CLEC4D: variants seen among roughly 807,000 people sequenced by gnomAD.
The protein encoded by CLEC4D is C-type lectin domain family 4 member D, also known as C-type (calcium dependent, carbohydrate-recognition domain) lectin, superfamily member 8.
In CLEC4D, 21 loss-of-function variants were observed where a neutral mutation model predicts 21.1. The ratio of observed to expected loss-of-function variants is 1.00; its 90% CI spans 0.71 to 1.43. The LOEUF (loss-of-function observed/expected upper bound fraction) is 1.43. Among genes scored for constraint, CLEC4D ranks in the 40% most tolerant of loss-of-function variants. The probability of loss-of-function intolerance (pLI) is 0.00; values close to 1 mark genes in which losing one functional copy is unlikely to be tolerated. For synonymous variants in CLEC4D, 85 were observed against 83.1 expected, an observed-to-expected ratio of 1.02 and a Z score of -0.12; for missense variants, 289 against 260.7, an observed-to-expected ratio of 1.11 and a Z score of -0.75.
chr12:8,514,882 A>G (rs1340725538), intron 1 of CLEC4D, among the ~76,000 whole-genome samples: 1 of 152,122 alleles, frequency 6.6e-6, no homozygotes, highest in Non-Finnish European at 1.5e-5. Flanking sequence ...GCGGATATTA[A>G]TATTATGAGA....
At chr12:8,530,572 A>G in the CLEC4D span, among the ~76,000 whole-genome samples, 57 of 152,056 alleles carry the variant, frequency 3.7e-4, no homozygotes, top group African/African-American at 1.3e-3. Flanking sequence ...TAAAATTCTT[A>G]GTGACATATT....
Position 8,521,235 on chromosome 12 carries a change from T to C in CLEC4D, c.612T>C (p.Ser204=). 6.2e-7 allele frequency: 1 copy of C among 1,613,018 alleles called. No individual in the cohort carries two copies. Among genetic ancestry groups the C allele is most frequent in the Non-Finnish European group, 8.5e-7 (1 of 1,179,352 alleles). ...ATGTTCCTTGTAACTTTGAAGCAAG[T>C]AGGATTTGTAAAATACCTGGAACAA... ...WNDVPCNFEA[S]RICKIPGTTL... Residue 204 remains serine, a synonymous_variant, in exon 6 of 6, where the codon AGT becomes AGC. Coordinates refer to ENST00000299665, the MANE Select transcript of CLEC4D (RefSeq NM_080387.5).
chr12:8,521,438 G>A lies in CLEC4D; in HGVS notation c.*167G>A. On this transcript the variant is annotated 3_prime_UTR_variant, in exon 6 of 6. Coordinates refer to ENST00000299665, the MANE Select transcript of CLEC4D (RefSeq NM_080387.5). ...TTGATTCATTCGAGACAACATGTGTGTATGTGTGTGTGTGTGTGTGTAGAT... is the reference window on the plus strand; with the variant it reads ...TTGATTCATTCGAGACAACATGTGTATATGTGTGTGTGTGTGTGTGTAGAT... 2.2e-6 allele frequency: 3 copies of A among 1,357,050 alleles called. No homozygotes were observed. In the South Asian group the frequency reaches 5.0e-5, roughly 22 times the overall value. The allele number at this position is 1,357,050 out of a possible 1,614,324, so 84.1% of individuals were successfully genotyped here.
chr12:8,519,380 C>CTT (rs1940428228), intron 4 of CLEC4D, among the ~76,000 whole-genome samples: 1 of 152,110 alleles, frequency 6.6e-6, no homozygotes, highest in South Asian at 2.1e-4. Flanking sequence ...CCCTAACTAC[C>CTT]TTCCTCATTC....
the CLEC4D span, among the ~76,000 whole-genome samples, chr12:8,528,893 CAT>C: frequency 1.3e-4 from 19 of 151,290 alleles, no homozygotes; most frequent in East Asian, 1.2e-3. Flanking sequence ...ACATAATAAA[CAT>C]ATAATTACAT....
chr12:8,516,059 G>A (rs771037920), intron 2 of CLEC4D, among the ~76,000 whole-genome samples: 1 of 152,118 alleles, frequency 6.6e-6, no homozygotes, highest in African/African-American at 2.4e-5. Flanking sequence ...AGAGCCCATT[G>A]ATTATTTATA....
In CLEC4D at chr12:8,513,698, C is replaced by A; in HGVS notation, c.-35C>A. On this transcript the variant is annotated 5_prime_UTR_variant, in exon 1 of 6. Coordinates refer to ENST00000299665, the MANE Select transcript of CLEC4D (RefSeq NM_080387.5). ...GGAAAAAAAATAGAACAAATTCTTG[C>A]CGTCCTGACCATTGAACAAGAGACT... 2.1e-6 allele frequency: 2 copies of A among 958,780 alleles called. No individual in the cohort carries two copies. The highest frequency in any genetic ancestry group is 1.3e-5 in the South Asian group (1 of 76,758). The allele number at this position is 958,780 out of a possible 1,614,324, so 59.4% of individuals were successfully genotyped here.
chr12:8,529,398 T>G, the CLEC4D span, among the ~76,000 whole-genome samples: 1 of 152,170 alleles, frequency 6.6e-6, no homozygotes, highest in Non-Finnish European at 1.5e-5. Flanking sequence ...GAGGATTACT[T>G]GAGGCCAGCA....
Position 8,519,106 on chromosome 12 carries a change from G to A in CLEC4D, c.330G>A (p.Arg110=), listed in dbSNP as rs760000016. 2.4e-5 allele frequency: 39 copies of A among 1,614,014 alleles called. 1 individual carries two copies. In the South Asian group the frequency reaches 4.2e-4, roughly 17 times the overall value. The change falls in exon 4 of 6, where the codon AGG becomes AGA. Residue 110 remains arginine, a synonymous_variant. Transcript: ENST00000299665. ...TDNKTWAESE[R]NCSGMGAHLM... ...ACAAGACGTGGGCTGAGAGTGAAAG[G>A]AACTGTTCAGGGATGGGGGCCCATC...
downstream of CLEC4D, among the ~76,000 whole-genome samples, chr12:8,526,169 G>A (rs1284945368): frequency 6.6e-6 from 1 of 152,100 alleles, no homozygotes; most frequent in East Asian, 1.9e-4. Context: ...GTGTCTTGGA[G>A]TTGATCTTCT....
Position 8,515,432 on chromosome 12 carries a change from C to G in CLEC4D, c.121+104C>G, listed in dbSNP as rs1940366212. 4 of 692,184 alleles carry G rather than the reference C, an allele frequency of 5.8e-6. No individual in the cohort carries two copies. The East Asian group carries it at 1.0e-4, about 18-fold the overall frequency. The allele number at this position is 692,184 out of a possible 1,614,324, so 42.9% of individuals were successfully genotyped here. The stretch of plus-strand genomic sequence containing the variant: ...GGTATCTTGATTTTTCCTAGCATAA[C>G]CTATCTATAATATCTTCAGGGTCTT... On this transcript the variant is annotated intron_variant, in intron 2 of 5. Coordinates refer to ENST00000299665, the MANE Select transcript of CLEC4D (RefSeq NM_080387.5).
intron 1 of CLEC4D, 107 bp from the exon 2 acceptor site, chr12:8,515,129 T>A (rs1940361439): frequency 3.1e-6 from 2 of 647,540 alleles, no homozygotes; most frequent in African/African-American, 1.8e-5. Flanking sequence ...CTTCTCTAGA[T>A]CTGAAATATT....
chr12:8,522,563 C>G (rs1940471782), downstream of CLEC4D, among the ~76,000 whole-genome samples: 1 of 152,014 alleles, frequency 6.6e-6, no homozygotes, highest in African/African-American at 2.4e-5. Context: ...GTGTTAAAAG[C>G]TGATACTTTT....
chr12:8,518,910 C>A, intron 3 of CLEC4D, 99 bp from the exon 4 acceptor site: 1 of 1,447,074 alleles, frequency 6.9e-7, no homozygotes, highest in Non-Finnish European at 9.1e-7. Context: ...ATATTATTCT[C>A]ACAAATATTA....
At position 8,521,249 on chromosome 12, in the gene CLEC4D, T is replaced by C; in HGVS notation, c.626T>C (p.Ile209Thr). 1.2e-6 allele frequency: 2 copies of C among 1,611,850 alleles called. No individual in the cohort carries two copies. The highest frequency in any genetic ancestry group is 1.7e-6 in the Non-Finnish European group (2 of 1,178,938). Residue 209 changes from isoleucine (I) to threonine (T), a missense_variant, in exon 6 of 6, where the codon ATA (isoleucine) becomes ACA (threonine). Transcript: ENST00000299665. ...CNFEASRICKIPGTTLN is the reference protein window; with the variant it reads ...CNFEASRICKTPGTTLN ...TTTGAAGCAAGTAGGATTTGTAAAA[T>C]ACCTGGAACAACATTGAACTAGAAA...
rs1376421063 is a variant in CLEC4D at position 8,521,994 on chromosome 12, C to T, written c.*723C>T. 2 of 152,116 alleles carry T rather than the reference C, an allele frequency of 1.3e-5. No individual in the cohort carries two copies. Among genetic ancestry groups the T allele is most frequent in the Non-Finnish European group, 2.9e-5 (2 of 67,978 alleles). The allele number at this position is 152,116 out of a possible 1,614,324, so 9.4% of individuals were successfully genotyped here. The stretch of plus-strand genomic sequence containing the variant: ...AATCCCCCAGAAGCCAAAGGGCTCA[C>T]CTTCACATTGTTAGTTCATGACAGA... On this transcript the variant is annotated 3_prime_UTR_variant, in exon 6 of 6. Transcript: ENST00000299665.
downstream of CLEC4D, among the ~76,000 whole-genome samples, chr12:8,524,399 G>A (rs1940491837): frequency 6.6e-6 from 1 of 151,950 alleles, no homozygotes; most frequent in South Asian, 2.1e-4. Context: ...GTCTATTCAG[G>A]GATTCAACTT....
intron 3 of CLEC4D, among the ~76,000 whole-genome samples, 162 bp downstream of exon 3, chr12:8,518,436 A>G (rs953093544): frequency 6.6e-6 from 1 of 152,264 alleles, no homozygotes; most frequent in Non-Finnish European, 1.5e-5. Context: ...ATTATTTCTC[A>G]TTACTGTAAT....
rs1565492578 is a variant in CLEC4D at position 8,520,335 on chromosome 12, G to GCAGAGTGTA, written c.495_500+3dup. The GCAGAGTGTA allele has an allele frequency of 6.2e-7, 1 of 1,613,656 alleles. No individual in the cohort carries two copies. Among genetic ancestry groups the GCAGAGTGTA allele is most frequent in the Non-Finnish European group, 8.5e-7 (1 of 1,179,766 alleles). ...GTGGACCAGACGCCATTTAACCCAC[G>GCAGAGTGTA]CAGAGTGTAAGTATATTGAGTGGGC... is the stretch of plus-strand genomic sequence containing the variant. On this transcript the variant is annotated inframe_insertion, in exon 5 of 6. Coordinates refer to ENST00000299665, the MANE Select transcript of CLEC4D (RefSeq NM_080387.5).
Sources: allele counts gnomAD v4.1 joint callset (sites outside exome capture counted in the v4.1 genomes callset), GRCh38; gene constraint gnomAD v4.1.1; transcripts MANE v1.5; gene names NCBI Gene and HGNC (gene_info 2026-07-23, HGNC 2026-07-21).